The following NLRP5 variants were observed in gnomAD, a reference collection of about 807,000 sequenced individuals.
NLRP5 encodes NLR family pyrin domain containing 5.
In NLRP5, 93 loss-of-function variants were observed where a neutral mutation model predicts 113.1. The observed-to-expected ratio is 0.82, with a 90% CI of 0.70 to 0.98. NLRP5 has a LOEUF of 0.98. Ranked by LOEUF, NLRP5 falls within the 50% of genes least tolerant of loss-of-function variation. The probability of loss-of-function intolerance (pLI) is 0.00; values close to 1 mark genes in which losing one functional copy is unlikely to be tolerated. For synonymous variants in NLRP5, 751 were observed against 600.7 expected (o/e 1.25, Z -3.66); for missense variants, 1,808 against 1,514.3 (o/e 1.19, Z -3.22).
intron 7 of NLRP5, among the ~76,000 whole-genome samples, chr19:56,029,186 C>T (rs764483263): frequency 2.0e-4 from 30 of 152,208 alleles, no homozygotes; most frequent in Non-Finnish European, 3.8e-4. Context: ...AGCCACCAGC[C>T]TCATAAGCCT....
chr19:56,055,531 C>G (rs371165273), intron 13 of NLRP5, among the ~76,000 whole-genome samples: 1 of 71,240 alleles, frequency 1.4e-5, no homozygotes, highest in African/African-American at 4.1e-5. Flanking sequence ...ATTTTTCTTT[C>G]TCTGTCTTTT....
intron 6 of NLRP5, among the ~76,000 whole-genome samples, chr19:56,022,873 T>C (rs762838164): frequency 2.2e-4 from 33 of 152,200 alleles, no homozygotes; most frequent in South Asian, 6.2e-4. Flanking sequence ...TACAGGCATG[T>C]GCCACCACAC....
At chr19:56,011,883 A>G (rs56226758) in intron 3 of NLRP5, among the ~76,000 whole-genome samples, 56,738 of 151,382 alleles carry the variant, frequency 0.37, 10,837 homozygotes, top group Admixed American at 0.41. Flanking sequence ...GTAAAGATGG[A>G]GTTTCACCGT....
chr19:56,042,045 A>G (rs2123324766), intron 11 of NLRP5, among the ~76,000 whole-genome samples: 1 of 152,308 alleles, frequency 6.6e-6, no homozygotes, highest in African/African-American at 2.4e-5. Flanking sequence ...TTGACAGTGG[A>G]GAGCTGAAAT....
intron 12 of NLRP5, 67 bp downstream of exon 12, chr19:56,050,655 A>G: frequency 6.7e-7 from 1 of 1,490,090 alleles, no homozygotes; most frequent in Non-Finnish European, 9.1e-7. Flanking sequence ...AAAGGTCAAG[A>G]GATAGGAGCA....
rs1160965587 is a variant in NLRP5 at position 56,055,537 on chromosome 19, C to CTTT, written c.3299+1753_3299+1755dup. On this transcript the variant is annotated intron_variant, in intron 13 of 14. Transcript: ENST00000390649. ...CCATGTTCTATTTTTCTTTCTCTGT[C>CTTT]TTTTTTTTTTTTTTTTTTTTTTTTT... Among the ~76,000 whole-genome samples, 25 of 76,460 alleles carry CTTT rather than the reference C, an allele frequency of 3.3e-4. 3 individuals are homozygous for CTTT. In the East Asian group the frequency reaches 5.0e-3, roughly 15 times the overall value. 50.2% of individuals were successfully genotyped at this position (76,460 alleles called of 152,430 possible). A position where few individuals can be genotyped will look rare whatever the true frequency, so the allele number is the denominator to read the frequency against.
At chr19:56,012,230 G>T (rs1982222459) in intron 3 of NLRP5, among the ~76,000 whole-genome samples, 1 of 151,658 alleles carries the variant, frequency 6.6e-6, no homozygotes, top group African/African-American at 2.4e-5. Context: ...CTCACTGCAA[G>T]CTCCACCTCC....
At chr19:56,012,933 T>C (rs1440659652) in intron 3 of NLRP5, among the ~76,000 whole-genome samples, 1 of 152,186 alleles carries the variant, frequency 6.6e-6, no homozygotes, top group Admixed American at 6.5e-5. Flanking sequence ...TCATATATCA[T>C]AAAATTCATC....
intron 13 of NLRP5, among the ~76,000 whole-genome samples, chr19:56,055,499 T>A (rs1984098084): frequency 6.7e-6 from 1 of 149,412 alleles, no homozygotes; most frequent in South Asian, 2.1e-4. Context: ...ATACCATCAC[T>A]CATCTTTTAG....
rs1410366850 is a variant in NLRP5, at chr19:56,008,769, C to G, written c.443-19C>G. On this transcript the variant is annotated intron_variant, in intron 2 of 14. Transcript: ENST00000390649. Reference sequence around the variant, plus strand: ...AGTGACTTCATTGAGGCCAGTCTCCCTTTTTCTTTGTCTTCCAGGACATTC... The same window carrying G: ...AGTGACTTCATTGAGGCCAGTCTCCGTTTTTCTTTGTCTTCCAGGACATTC... The G allele has an allele frequency of 6.3e-7, 1 of 1,597,898 alleles. No homozygotes were observed. Among genetic ancestry groups the G allele is most frequent in the East Asian group, 2.2e-5 (1 of 44,562 alleles).
chr19:56,014,065 C>G (rs1982314460), intron 3 of NLRP5, among the ~76,000 whole-genome samples: 1 of 152,132 alleles, frequency 6.6e-6, no homozygotes, highest in African/African-American at 2.4e-5. Context: ...ATATATTCCC[C>G]TGTTCTCTGA....
intron 11 of NLRP5, among the ~76,000 whole-genome samples, chr19:56,045,416 T>C (rs1221809894): frequency 6.6e-6 from 1 of 152,162 alleles, no homozygotes; most frequent in Non-Finnish European, 1.5e-5. Flanking sequence ...TAGTTTTTTT[T>C]TCTTTTTTTT....
rs2123350718 is a variant in NLRP5, at chr19:56,061,612, A to AT, written c.*84_*85insT. 3 of 1,427,464 alleles carry AT rather than the reference A, an allele frequency of 2.1e-6. No homozygotes were observed. The highest frequency in any genetic ancestry group is 2.4e-5 in the South Asian group (2 of 82,008). The allele number at this position is 1,427,464 out of a possible 1,614,324, so 88.4% of individuals were successfully genotyped here. ...TCTCAGAGCAAGCTATGCACCTGGGAGTTCCTTCTCAAAGATGGAGAATGA... is the reference window on the plus strand; with the variant it reads ...TCTCAGAGCAAGCTATGCACCTGGGATGTTCCTTCTCAAAGATGGAGAATGA... On this transcript the variant is annotated 3_prime_UTR_variant, in exon 15 of 15. Coordinates refer to ENST00000390649, the MANE Select transcript of NLRP5 (RefSeq NM_153447.4).
chr19:56,009,231 T>A (rs1982081471), intron 3 of NLRP5, among the ~76,000 whole-genome samples: 1 of 147,206 alleles, frequency 6.8e-6, no homozygotes, highest in Non-Finnish European at 1.5e-5. Context: ...TCCCAGCTAC[T>A]TGGGAGGTGG....
intron 3 of NLRP5, among the ~76,000 whole-genome samples, chr19:56,013,596 G>GTTTTTTTTTGTTTTTTTTT (rs1555765384): frequency 1.7e-5 from 1 of 59,284 alleles, no homozygotes; most frequent in African/African-American, 8.7e-5. Context: ...GGACATTTGG[G>GTTTTTTTTTGTTTTTTTTT]TTTTTTTTTT....
chr19:56,050,654 GAGA>G, intron 12 of NLRP5, 66 bp downstream of exon 12: 2 of 1,503,070 alleles, frequency 1.3e-6, no homozygotes, highest in Admixed American at 3.9e-5. Flanking sequence ...GAAAGGTCAA[GAGA>G]TAGGAGCAGG....
Position 56,055,537 on chromosome 19 carries a change from CTTTTTTTT to C in NLRP5, c.3299+1748_3299+1755del, listed in dbSNP as rs1160965587. Reference sequence around the variant, plus strand: ...CCATGTTCTATTTTTCTTTCTCTGTCTTTTTTTTTTTTTTTTTTTTTTTTTTAAGATAG... The same window carrying C: ...CCATGTTCTATTTTTCTTTCTCTGTCTTTTTTTTTTTTTTTTTTAAGATAG... On this transcript the variant is annotated intron_variant, in intron 13 of 14. Coordinates refer to ENST00000390649, the MANE Select transcript of NLRP5 (RefSeq NM_153447.4). 5.2e-3 allele frequency among the ~76,000 whole-genome samples: 398 copies of C among 76,474 alleles called. 4 individuals are homozygous for C. The highest frequency in any genetic ancestry group is 0.013 in the African/African-American group (252 of 19,566). 50.2% of individuals were successfully genotyped at this position (76,474 alleles called of 152,430 possible).
In NLRP5 at chr19:56,040,145, C is replaced by G. The variant is rs138737552; in HGVS notation, c.2787-777C>G. Among the ~76,000 whole-genome samples, 599 of 152,200 alleles carry G rather than the reference C, an allele frequency of 3.9e-3. 2 individuals carry two copies. The highest frequency in any genetic ancestry group is 0.013 in the African/African-American group (543 of 41,538). ...TTTTCTTTTTAGAGACAGAGTCTTG[C>G]TATGTTGCCCAGGCTGGTCTCGAAC... On this transcript the variant is annotated intron_variant, in intron 10 of 14. Transcript: ENST00000390649.
intron 6 of NLRP5, among the ~76,000 whole-genome samples, chr19:56,022,377 T>A (rs1241968180): frequency 6.7e-6 from 1 of 149,942 alleles, no homozygotes; most frequent in Non-Finnish European, 1.5e-5. Context: ...TGCTACAACA[T>A]CTGGCTAATT....
Sources: allele counts gnomAD v4.1 joint callset (sites outside exome capture counted in the v4.1 genomes callset), GRCh38; gene constraint gnomAD v4.1.1; transcripts MANE v1.5; gene names NCBI Gene and HGNC (gene_info 2026-07-23, HGNC 2026-07-21).